Variants in ZNF732 observed in about 807,000 individuals in gnomAD.
ZNF732 encodes zinc finger protein 732, also known as zinc finger protein LOC654254.
ZNF732 carries 12 observed loss-of-function variants against 11.5 expected under a neutral mutation model. The ratio of observed to expected loss-of-function variants is 1.05; its 90% CI spans 0.67 to 1.70. ZNF732 has a LOEUF of 1.70. Among genes scored for constraint, ZNF732 ranks in the 40% most tolerant of loss-of-function variants. The pLI is 0.00. For missense variants in ZNF732, 702 were observed against 676.9 expected (o/e 1.04, Z -0.41); for synonymous variants, 231 against 236.5 (o/e 0.98, Z 0.21).
At chr4:280,320 A>G (rs1453756159) in intron 3 of ZNF732, among the ~76,000 whole-genome samples, 1 of 148,040 alleles carries the variant, frequency 6.8e-6, no homozygotes, top group Non-Finnish European at 1.5e-5. Context: ...GGCCAGCTGC[A>G]GTGGCTCACA....
At chr4:275,138 G>C (rs1719465992) in intron 3 of ZNF732, among the ~76,000 whole-genome samples, 1 of 151,548 alleles carries the variant, frequency 6.6e-6, no homozygotes, top group South Asian at 2.1e-4. Flanking sequence ...CTCCTTGATA[G>C]ACTACATGTC....
At chr4:299,735 T>A (rs1279687140) in intron 1 of ZNF732, among the ~76,000 whole-genome samples, 1 of 147,932 alleles carries the variant, frequency 6.8e-6, no homozygotes, top group Non-Finnish European at 1.5e-5. Flanking sequence ...TCCCTCTTGT[T>A]GCCCAGGCTG....
chr4:270,920 A>C lies in ZNF732; in HGVS notation c.*179T>G. 1.3e-6 allele frequency: 1 copy of C among 757,660 alleles called. No homozygotes were observed. Among genetic ancestry groups the C allele is most frequent in the Non-Finnish European group, 2.3e-6 (1 of 428,064 alleles). The allele number at this position is 757,660 out of a possible 1,614,324, so 46.9% of individuals were successfully genotyped here. Reference sequence around the variant, plus strand: ...GCGGACTGTTTGAAGGCTTTCCCACATTCTTTACATTTGTAGGGTTTTTCT... The same window carrying C: ...GCGGACTGTTTGAAGGCTTTCCCACCTTCTTTACATTTGTAGGGTTTTTCT... On this transcript the variant is annotated 3_prime_UTR_variant, in exon 4 of 4. Transcript: ENST00000419098.
chr4:299,133 GC>G (rs1428010538), intron 1 of ZNF732, among the ~76,000 whole-genome samples: 27 of 152,016 alleles, frequency 1.8e-4, no homozygotes, highest in African/African-American at 6.5e-4. Context: ...ATGTGCCTCA[GC>G]ATTCTTAGGG....
Position 272,378 on chromosome 4 carries a change from C to A in ZNF732, c.479G>T (p.Arg160Met). 1 of 1,601,908 alleles carries A rather than the reference C, an allele frequency of 6.2e-7. No individual in the cohort carries two copies. Among genetic ancestry groups the A allele is most frequent in the Non-Finnish European group, 8.5e-7 (1 of 1,173,170 alleles). The change falls in exon 4 of 4, where the codon AGG becomes ATG. Residue 160 changes from arginine (R) to methionine (M), a missense_variant. Arg to Met is a moderately conservative substitution (Grantham distance 91). Around this residue, in one of 3 missense-constraint regions of ZNF732, gnomAD observed 596 missense variants for 557.9 expected, o/e 1.07. Coordinates refer to ENST00000419098, the MANE Select transcript of ZNF732 (RefSeq NM_001137608.3). Reference protein sequence around the residue: ...FSTFSNSNQRRIRHTGEKHFK... With the variant: ...FSTFSNSNQRMIRHTGEKHFK... ...GTGTTTCTCTCCAGTATGTCTTATC[C>A]TACGTTGGTTTGAATTTGAAAATGT...
At chr4:304,712 G>A (rs567892548) in intron 1 of ZNF732, among the ~76,000 whole-genome samples, 168 of 152,342 alleles carry the variant, frequency 1.1e-3, no homozygotes, top group African/African-American at 3.9e-3. Context: ...CGCTGTGCGC[G>A]CCCACACCAG....
chr4:296,997 T>TG (rs1338149636), intron 1 of ZNF732, among the ~76,000 whole-genome samples: 7 of 152,100 alleles, frequency 4.6e-5, no homozygotes, highest in Non-Finnish European at 8.8e-5. Context: ...GGTCCAGGGG[T>TG]GGTGGCTCAT....
At chr4:295,604 T>C in intron 2 of ZNF732, 71 bp from the exon 3 acceptor site, 1 of 1,257,094 alleles carries the variant, frequency 8.0e-7, no homozygotes, top group Non-Finnish European at 1.1e-6. Flanking sequence ...CTATACTAAG[T>C]AGAAAAGAGA....
chr4:279,765 TAA>T (rs1560158539), intron 3 of ZNF732, among the ~76,000 whole-genome samples: 1 of 152,128 alleles, frequency 6.6e-6, no homozygotes, highest in South Asian at 2.1e-4. Context: ...CACCTTCAAA[TAA>T]AAAGTGTTTC....
At chr4:290,611 A>T (rs1309404999) in intron 3 of ZNF732, among the ~76,000 whole-genome samples, 1 of 152,224 alleles carries the variant, frequency 6.6e-6, no homozygotes, top group Non-Finnish European at 1.5e-5. Context: ...AACTGTTCCC[A>T]GGTAGTCAGC....
At chr4:304,815 T>G (rs999032304) in intron 1 of ZNF732, among the ~76,000 whole-genome samples, 47 of 152,350 alleles carry the variant, frequency 3.1e-4, no homozygotes, top group African/African-American at 1.1e-3. Flanking sequence ...GCGGGTGATT[T>G]GCTTCGCTTC....
In ZNF732 at chr4:271,328, G is replaced by C; in HGVS notation, c.1529C>G (p.Ala510Gly). Residue 510 changes from alanine (A) to glycine (G), a missense_variant, in exon 4 of 4, where the codon GCC becomes GGC. This residue lies in a region of ZNF732 where 94 missense variants were observed against 87.5 expected (regional missense o/e 1.07). Coordinates refer to ENST00000419098, the MANE Select transcript of ZNF732 (RefSeq NM_001137608.3). Reference sequence around the variant, plus strand: ...ACTCAGGTATGTGGACCATCCAAAGGCTTTGCCACACTCTTCACATTCGTA... The same window carrying C: ...ACTCAGGTATGTGGACCATCCAAAGCCTTTGCCACACTCTTCACATTCGTA... ...KPYECEECGK[A>G]FGWSTYLSKH... is the part of the protein sequence containing the mutation. The C allele has an allele frequency of 6.2e-7, 1 of 1,602,340 alleles. No homozygotes were observed. Among genetic ancestry groups the C allele is most frequent in the Non-Finnish European group, 8.5e-7 (1 of 1,173,948 alleles).
chr4:296,366 C>T (rs2108659735), intron 1 of ZNF732, among the ~76,000 whole-genome samples: 1 of 152,224 alleles, frequency 6.6e-6, no homozygotes, highest in African/African-American at 2.4e-5. Flanking sequence ...ACGGGCTACA[C>T]TGACCTGCCC....
chr4:296,843 T>C (rs552634579), intron 1 of ZNF732, among the ~76,000 whole-genome samples: 9 of 152,200 alleles, frequency 5.9e-5, no homozygotes, highest in Non-Finnish European at 8.8e-5. Flanking sequence ...AACACCCTTA[T>C]CACAACACAA....
At chr4:299,444 T>TATAC (rs1553843186) in intron 1 of ZNF732, among the ~76,000 whole-genome samples, 1 of 33,870 alleles carries the variant, frequency 3.0e-5, no homozygotes, top group South Asian at 1.7e-3. Context: ...TGTATATATA[T>TATAC]ATATATACAC....
intron 1 of ZNF732, among the ~76,000 whole-genome samples, chr4:299,924 G>A (rs1326764559): frequency 7.1e-6 from 1 of 141,804 alleles, no homozygotes; most frequent in Non-Finnish European, 1.5e-5. Flanking sequence ...GTCTGGTCTC[G>A]AACTCCGGAC....
intron 1 of ZNF732, among the ~76,000 whole-genome samples, chr4:303,050 T>C (rs550349165): frequency 6.6e-6 from 1 of 152,298 alleles, no homozygotes; most frequent in African/African-American, 2.4e-5. Context: ...GATAAAATAC[T>C]GTGGCGAGCA....
intron 3 of ZNF732, among the ~76,000 whole-genome samples, chr4:278,464 G>A (rs1342479888): frequency 6.6e-6 from 1 of 152,160 alleles, no homozygotes; most frequent in African/African-American, 2.4e-5. Flanking sequence ...ACACATCTTT[G>A]TGGAGGAAAA....
chr4:293,553 T>C (rs1719888729), intron 3 of ZNF732, among the ~76,000 whole-genome samples: 1 of 152,072 alleles, frequency 6.6e-6, no homozygotes, highest in Admixed American at 6.6e-5. Flanking sequence ...GGAGATGTTT[T>C]CAAAGAGTAC....
Sources: allele counts gnomAD v4.1 joint callset (sites outside exome capture counted in the v4.1 genomes callset), GRCh38; gene constraint gnomAD v4.1.1; regional missense constraint gnomAD v4.1.1; transcripts MANE v1.5; gene names NCBI Gene and HGNC (gene_info 2026-07-23, HGNC 2026-07-21).